Variants in TEX9 observed in about 807,000 individuals in gnomAD.
The protein encoded by TEX9 is testis expressed 9, also known as testis-expressed protein 9.
A neutral mutation model predicts 59.6 loss-of-function variants in TEX9; 74 were observed. The observed-to-expected ratio is 1.24, with a 90% CI of 1.03 to 1.51. TEX9 has a LOEUF of 1.51. Ranked by LOEUF, TEX9 falls within the 40% of genes most tolerant of loss-of-function variation. The pLI is 0.00. For missense variants in TEX9, 522 were observed against 447.8 expected (o/e 1.17, Z -1.49); for synonymous variants, 186 against 152.2 (o/e 1.22, Z -1.64).
intron 1 of TEX9, among the ~76,000 whole-genome samples, chr15:56,316,537 C>T (rs575386039): frequency 1.5e-3 from 227 of 151,132 alleles, no homozygotes; most frequent in African/African-American, 5.3e-3. Flanking sequence ...GCTGGGAGAA[C>T]CACTGCTCTC....
intron 5 of TEX9, among the ~76,000 whole-genome samples, chr15:56,388,984 GGGA>G (rs1227270525): frequency 2.0e-5 from 3 of 151,944 alleles, no homozygotes; most frequent in Non-Finnish European, 2.9e-5. Flanking sequence ...TGAAGGCCAC[GGGA>G]GGTCTGCCTG....
At chr15:56,353,169 C>T (rs1486170995) in intron 1 of TEX9, among the ~76,000 whole-genome samples, 1 of 152,084 alleles carries the variant, frequency 6.6e-6, no homozygotes, top group Non-Finnish European at 1.5e-5. Context: ...GCTGATTGAA[C>T]CCAAAGTTTG....
intron 3 of TEX9, among the ~76,000 whole-genome samples, chr15:56,381,700 A>G (rs1441068787): frequency 2.0e-5 from 3 of 152,176 alleles, no homozygotes. Context: ...TTTCTCCCAA[A>G]CAAATGGAGT....
At chr15:56,329,738 CAGTT>C (rs1254143205) in intron 1 of TEX9, among the ~76,000 whole-genome samples, 3 of 151,952 alleles carry the variant, frequency 2.0e-5, no homozygotes, top group Admixed American at 6.6e-5. Context: ...TGAAAATACA[CAGTT>C]AGAGGAGACA....
At chr15:56,318,576 A>T (rs147367949) in intron 1 of TEX9, among the ~76,000 whole-genome samples, 3 of 151,846 alleles carry the variant, frequency 2.0e-5, no homozygotes, top group African/African-American at 4.8e-5. Flanking sequence ...TGTTTTCTAT[A>T]TGTCTTTCAT....
intron 12 of TEX9, among the ~76,000 whole-genome samples, chr15:56,438,894 T>C (rs1177235614): frequency 6.6e-6 from 1 of 151,982 alleles, no homozygotes; most frequent in Non-Finnish European, 1.5e-5. Context: ...ACAGGAAAGG[T>C]GATGTCTACT....
intron 1 of TEX9, among the ~76,000 whole-genome samples, chr15:56,277,778 T>G (rs539343200): frequency 1.3e-5 from 2 of 152,350 alleles, no homozygotes; most frequent in East Asian, 3.9e-4. Context: ...TAGAATGTGT[T>G]GAAGAAACCA....
intron 12 of TEX9, chr15:56,444,719 T>C (rs773541436): frequency 1.7e-5 from 24 of 1,409,692 alleles, no homozygotes; most frequent in Non-Finnish European, 2.2e-5. Context: ...AATTTGAACA[T>C]AGTACGATAG....
chr15:56,424,983 T>A (rs377745985), intron 10 of TEX9, among the ~76,000 whole-genome samples: 244 of 152,302 alleles, frequency 1.6e-3, no homozygotes, highest in African/African-American at 5.7e-3. Context: ...TGTCTTAATT[T>A]CTTTTTCATT....
the TEX9 span, among the ~76,000 whole-genome samples, chr15:56,459,569 G>A: frequency 7.2e-5 from 11 of 152,172 alleles, no homozygotes; most frequent in South Asian, 6.2e-4. Context: ...GTGGTAATTC[G>A]TTACTTAGCA....
In TEX9 at chr15:56,246,991, G is replaced by T. The variant is rs2043874002; in HGVS notation, c.-107+2713G>T. On this transcript the variant is annotated intron_variant, in intron 1 of 5. Coordinates refer to the TEX9 transcript ENST00000560827. ...AGAGTATCTACAAGATGGATTGTCA[G>T]CACCTCAAAGGAAATGACTATTTTA... 2.6e-5 allele frequency among the ~76,000 whole-genome samples: 4 copies of T among 152,302 alleles called. No individual in the cohort carries two copies. In the South Asian group the frequency reaches 8.3e-4, roughly 32 times the overall value.
At chr15:56,444,562 C>G in intron 12 of TEX9, 1 of 1,612,722 alleles carries the variant, frequency 6.2e-7, no homozygotes, top group Non-Finnish European at 8.5e-7. Context: ...TTCTCTAAGT[C>G]AAGATAGTAC....
intron 1 of TEX9, among the ~76,000 whole-genome samples, chr15:56,358,873 C>G (rs56775211): frequency 1.3e-4 from 20 of 152,060 alleles, no homozygotes; most frequent in Non-Finnish European, 2.6e-4. Context: ...GACATTTCCT[C>G]TTTCACGTAC....
At chr15:56,412,223 T>A in intron 9 of TEX9, 79 bp from the exon 10 acceptor site, 1 of 1,346,178 alleles carries the variant, frequency 7.4e-7, no homozygotes, top group South Asian at 1.4e-5. Context: ...GGAATATGGA[T>A]ATGGAAGATA....
At position 56,332,334 on chromosome 15, in the gene TEX9, T is replaced by C. The variant is rs1308722777; in HGVS notation, c.-106-41107T>C. Reference sequence around the variant, plus strand: ...GTCCTTTGTAGGGACATGGATGAAATTGGAAATCATCATTCTCAGTAAACT... The same window carrying C: ...GTCCTTTGTAGGGACATGGATGAAACTGGAAATCATCATTCTCAGTAAACT... On this transcript the variant is annotated intron_variant, in intron 1 of 5. Transcript: ENST00000560827. 2.8e-4 allele frequency among the ~76,000 whole-genome samples: 42 copies of C among 150,974 alleles called. 1 individual carries two copies. Among genetic ancestry groups the C allele is most frequent in the African/African-American group, 7.8e-4 (32 of 41,114 alleles).
chr15:56,378,018 C>G (rs1277361339), intron 3 of TEX9, among the ~76,000 whole-genome samples: 5 of 152,130 alleles, frequency 3.3e-5, no homozygotes, highest in Non-Finnish European at 5.9e-5. Flanking sequence ...TGATATATCA[C>G]ATTGATTGAT....
At chr15:56,379,892 C>T (rs1225389717) in intron 3 of TEX9, among the ~76,000 whole-genome samples, 9 of 150,110 alleles carry the variant, frequency 6.0e-5, no homozygotes, top group Admixed American at 2.0e-4. Context: ...CTTTTTCTAC[C>T]CTTTTTATTT....
intron 1 of TEX9, among the ~76,000 whole-genome samples, chr15:56,300,503 T>C (rs1224220085): frequency 6.6e-6 from 1 of 151,508 alleles, no homozygotes; most frequent in East Asian, 2.0e-4. Flanking sequence ...TGGCTGGATT[T>C]GCCATCTGCT....
chr15:56,418,062 A>G (rs1004906376), intron 10 of TEX9, among the ~76,000 whole-genome samples: 2 of 151,806 alleles, frequency 1.3e-5, no homozygotes, highest in Non-Finnish European at 2.9e-5. Context: ...TTTTGAGCCT[A>G]TGAGAGTCAT....
Sources: allele counts gnomAD v4.1 joint callset (sites outside exome capture counted in the v4.1 genomes callset), GRCh38; gene constraint gnomAD v4.1.1; transcripts MANE v1.5; gene names NCBI Gene and HGNC (gene_info 2026-07-23, HGNC 2026-07-21).